EZH2: variants seen among roughly 807,000 people sequenced by gnomAD.
EZH2 encodes enhancer of zeste 2 polycomb repressive complex 2 subunit, also known as histone-lysine N-methyltransferase EZH2.
EZH2 carries 18 observed loss-of-function variants against 98.4 expected under a neutral mutation model. The ratio of observed to expected loss-of-function variants is 0.18; its 90% CI spans 0.13 to 0.27. EZH2 has a LOEUF of 0.27. Ranked by LOEUF, EZH2 falls within the 10% of genes least tolerant of loss-of-function variation. EZH2 has a pLI of 1.00. For missense variants in EZH2, 470 were observed against 935.1 expected (o/e 0.50, Z 6.49); for synonymous variants, 338 against 312.3 (o/e 1.08, Z -0.87).
chr7:148,864,658 C>A (rs1234623757), intron 1 of EZH2, among the ~76,000 whole-genome samples: 3 of 140,160 alleles, frequency 2.1e-5, no homozygotes, highest in Admixed American at 1.5e-4. Context: ...GCACTCCAGC[C>A]TGGGCAATCA....
intron 6 of EZH2, 69 bp downstream of exon 6, chr7:148,828,671 T>A: frequency 6.5e-7 from 1 of 1,532,068 alleles, no homozygotes; most frequent in Non-Finnish European, 8.8e-7. Flanking sequence ...TAAGCCCTAT[T>A]TCTACTCTTT....
intron 1 of EZH2, among the ~76,000 whole-genome samples, chr7:148,866,229 G>C (rs1818422298): frequency 6.6e-6 from 1 of 152,036 alleles, no homozygotes; most frequent in African/African-American, 2.4e-5. Context: ...GATGAGACTT[G>C]TCAGTATCTG....
At chr7:148,877,845 C>T (rs1213473254) in intron 1 of EZH2, among the ~76,000 whole-genome samples, 1 of 152,134 alleles carries the variant, frequency 6.6e-6, no homozygotes, top group Admixed American at 6.5e-5. Context: ...TCATTCTTCT[C>T]GGAGCTGACA....
At chr7:148,835,454 T>C (rs2129479747) in intron 3 of EZH2, among the ~76,000 whole-genome samples, 2 of 149,500 alleles carry the variant, frequency 1.3e-5, no homozygotes, top group East Asian at 3.9e-4. Context: ...AATAGAGACA[T>C]AATGTAATAG....
At chr7:148,820,498 A>G (rs1414024457) in intron 8 of EZH2, among the ~76,000 whole-genome samples, 1 of 152,120 alleles carries the variant, frequency 6.6e-6, no homozygotes, top group African/African-American at 2.4e-5. Flanking sequence ...CACAAAACAA[A>G]TCATCTTTTA....
intron 3 of EZH2, among the ~76,000 whole-genome samples, chr7:148,833,940 G>A (rs1810149269): frequency 6.6e-6 from 1 of 152,088 alleles, no homozygotes. Context: ...ATGTGTCAGT[G>A]CACATAGTCC....
Position 148,817,441 on chromosome 7 carries a change from TAAG to T in EZH2, c.1241-53_1241-51del, listed in dbSNP as rs763536282. On this transcript the variant is annotated intron_variant, in intron 10 of 19. Coordinates refer to ENST00000320356, the MANE Select transcript of EZH2 (RefSeq NM_004456.5). ...GTCAAGAAATGATTGGAAATAATAT[TAAG>T]AAGTACAATTCAGGGTGTGCTTAAG... 1.7e-5 allele frequency: 27 copies of T among 1,573,770 alleles called. No homozygotes were observed. In the African/African-American group the frequency reaches 1.9e-4, roughly 11 times the overall value.
At chr7:148,835,782 C>T (rs1348554647) in intron 3 of EZH2, among the ~76,000 whole-genome samples, 1 of 152,142 alleles carries the variant, frequency 6.6e-6, no homozygotes, top group Non-Finnish European at 1.5e-5. Context: ...TGCTTTAACA[C>T]CTAACTCCAA....
At chr7:148,879,950 A>T (rs1278354963) in intron 1 of EZH2, among the ~76,000 whole-genome samples, 1 of 152,136 alleles carries the variant, frequency 6.6e-6, no homozygotes, top group Admixed American at 6.5e-5. Context: ...ACAAAAAATT[A>T]AAAAATTAAA....
chr7:148,881,952 ACACACACACACACGCGCGCG>A (rs1282886226), intron 1 of EZH2, among the ~76,000 whole-genome samples: 3 of 77,696 alleles, frequency 3.9e-5, no homozygotes, highest in African/African-American at 2.0e-4. Context: ...AAAAACATAT[ACACACACACACACGCGCGCG>A]CACACACACA....
chr7:148,832,029 A>G (rs748607767), intron 4 of EZH2, among the ~76,000 whole-genome samples: 6 of 152,236 alleles, frequency 3.9e-5, no homozygotes, highest in Non-Finnish European at 8.8e-5. Flanking sequence ...AATTAACAAA[A>G]ACTCAAAGTC....
At chr7:148,815,404 T>A (rs754277365) in intron 13 of EZH2, 102 bp downstream of exon 13, 5 of 1,234,304 alleles carry the variant, frequency 4.1e-6, no homozygotes, top group Admixed American at 1.8e-5. Context: ...AAGGCAATTA[T>A]ATTAGAATAA....
intron 8 of EZH2, among the ~76,000 whole-genome samples, chr7:148,823,472 C>T (rs73471812): frequency 0.02 from 3,061 of 152,108 alleles, 89 homozygotes; most frequent in African/African-American, 0.07. Context: ...AATGCTATGC[C>T]ACCATGTAAA....
intron 3 of EZH2, among the ~76,000 whole-genome samples, chr7:148,845,426 G>A (rs1585146344): frequency 6.6e-6 from 1 of 152,064 alleles, no homozygotes; most frequent in African/African-American, 2.4e-5. Context: ...GCTTTACAGA[G>A]GTGTCACCTA....
chr7:148,856,827 A>T (rs187646106), intron 1 of EZH2, among the ~76,000 whole-genome samples: 1 of 152,250 alleles, frequency 6.6e-6, no homozygotes, highest in Admixed American at 6.5e-5. Flanking sequence ...TTAAATAAAC[A>T]ACTGGAGGAG....
Position 148,828,816 on chromosome 7 carries a change from A to C in EZH2, c.549T>G (p.Asp183Glu). Residue 183 changes from aspartate (D) to glutamate (E), a missense_variant, in exon 6 of 20, where the codon GAT (aspartate) becomes GAG (glutamate). Asp to Glu is a conservative substitution (Grantham distance 45). Transcript: ENST00000320356. ...ELVNALGQYN[D>E]DDDDDDGDDP... ...CGTCTCCATCATCATCATCGTCATCATCATTATATTGACCAAGGGCATTCA... is the reference window on the plus strand; with the variant it reads ...CGTCTCCATCATCATCATCGTCATCCTCATTATATTGACCAAGGGCATTCA... 1 of 1,613,898 alleles carries C rather than the reference A, an allele frequency of 6.2e-7. No individual in the cohort carries two copies. The highest frequency in any genetic ancestry group is 2.2e-5 in the East Asian group (1 of 44,858).
chr7:148,860,340 A>T (rs1282513526), intron 1 of EZH2, among the ~76,000 whole-genome samples: 2 of 152,164 alleles, frequency 1.3e-5, no homozygotes, highest in African/African-American at 4.8e-5. Flanking sequence ...AAGAAAAAAA[A>T]AAAAAGATTT....
chr7:148,860,801 AGCTGGG>A (rs1817558389), intron 1 of EZH2, among the ~76,000 whole-genome samples: 1 of 152,084 alleles, frequency 6.6e-6, no homozygotes, highest in Non-Finnish European at 1.5e-5. Context: ...CTTCCCAGGT[AGCTGGG>A]ACCACATGTG....
intron 1 of EZH2, among the ~76,000 whole-genome samples, chr7:148,870,631 G>A (rs1201987984): frequency 2.0e-5 from 3 of 151,644 alleles, no homozygotes; most frequent in African/African-American, 7.3e-5. Context: ...GAGCCCAGGA[G>A]GTCAAGGCTG....
Sources: allele counts gnomAD v4.1 joint callset (sites outside exome capture counted in the v4.1 genomes callset), GRCh38; gene constraint gnomAD v4.1.1; transcripts MANE v1.5; gene names NCBI Gene and HGNC (gene_info 2026-07-23, HGNC 2026-07-21).